The following TRAF3 variants were observed in gnomAD, a reference collection of about 807,000 sequenced individuals.
The protein encoded by TRAF3 is TNF receptor associated factor 3.
In TRAF3, 13 loss-of-function variants were observed where a neutral mutation model predicts 62.3. The observed-to-expected ratio is 0.21, with a 90% confidence interval of 0.14 to 0.33. The LOEUF is 0.33. TRAF3 is among the 10% of genes least tolerant of loss of function. The probability of loss-of-function intolerance (pLI) is 1.00; values close to 1 mark genes in which losing one functional copy is unlikely to be tolerated. For synonymous variants in TRAF3, 269 were observed against 283.4 expected, an observed-to-expected ratio of 0.95 and a Z score of 0.51; for missense variants, 440 against 741.8, an observed-to-expected ratio of 0.59 and a Z score of 4.73.
Position 102,905,114 on chromosome 14 carries a change from A to G in TRAF3, c.1136-99A>G. The stretch of plus-strand genomic sequence containing the variant: ...GCAACAGAGCGAGACTCCGTCTCAA[A>G]AAAATGAAATAAAATAACGAGTGCT... On this transcript the variant is annotated intron_variant, in intron 11 of 11. Coordinates refer to ENST00000392745, the MANE Select transcript of TRAF3 (RefSeq NM_145725.3). 2.3e-6 allele frequency: 3 copies of G among 1,297,944 alleles called. No homozygotes were observed. The South Asian group carries it at 3.7e-5, about 16-fold the overall frequency. The allele number at this position is 1,297,944 out of a possible 1,614,324, so 80.4% of individuals were successfully genotyped here.
rs773647944 is a variant in TRAF3 at position 102,897,420 on chromosome 14, C to G, written c.960+19C>G. ...TTTACAGGTAAGAATCTTAGGACTA[C>G]GGCCAGATCAAAGGGTGGAGGAGCT... On this transcript the variant is annotated intron_variant, in intron 10 of 11. Coordinates refer to ENST00000392745, the MANE Select transcript of TRAF3 (RefSeq NM_145725.3). 6.2e-7 allele frequency: 1 copy of G among 1,612,336 alleles called. No homozygotes were observed. Among genetic ancestry groups the G allele is most frequent in the African/African-American group, 1.3e-5 (1 of 74,962 alleles).
rs971137914 is a variant in TRAF3 at position 102,910,977 on chromosome 14, G to A, written c.*5193G>A. On this transcript the variant is annotated 3_prime_UTR_variant, in exon 12 of 12. Transcript: ENST00000392745. ...ATGCCTGTAGGAGAAGGTCTGTGAA[G>A]TGTGGAGGGCAGTGTCGACGCTGCA... The A allele has an allele frequency of 6.6e-6, 1 of 152,382 alleles. No individual in the cohort carries two copies. The highest frequency in any genetic ancestry group is 2.4e-5 in the African/African-American group (1 of 41,586). The allele number at this position is 152,382 out of a possible 1,614,324, so 9.4% of individuals were successfully genotyped here.
chr14:102,833,136 T>C (rs960344225), intron 2 of TRAF3, among the ~76,000 whole-genome samples: 12 of 152,206 alleles, frequency 7.9e-5, no homozygotes, highest in African/African-American at 2.7e-4. Context: ...GCTGGTGTTC[T>C]GTCTTCTTGC....
At chr14:102,858,701 T>TCATC (rs752111866) in intron 2 of TRAF3, among the ~76,000 whole-genome samples, 2 of 152,050 alleles carry the variant, frequency 1.3e-5, no homozygotes, top group African/African-American at 2.4e-5. Context: ...ATATGCTAAG[T>TCATC]CATATCACAA....
At chr14:102,884,775 G>T (rs569205386) in intron 6 of TRAF3, among the ~76,000 whole-genome samples, 1 of 151,470 alleles carries the variant, frequency 6.6e-6, no homozygotes, top group Non-Finnish European at 1.5e-5. Context: ...TTGCACCACT[G>T]CACTTCAACT....
chr14:102,796,133 C>T (rs1384355795), intron 1 of TRAF3, among the ~76,000 whole-genome samples: 1 of 152,228 alleles, frequency 6.6e-6, no homozygotes, highest in Non-Finnish European at 1.5e-5. Flanking sequence ...AGGAGAATTG[C>T]TTGAACCCGG....
chr14:102,893,033 G>T (rs1889809536), intron 9 of TRAF3, among the ~76,000 whole-genome samples: 1 of 152,110 alleles, frequency 6.6e-6, no homozygotes, highest in Non-Finnish European at 1.5e-5. Flanking sequence ...ATAGATCACA[G>T]GCTTTTTATC....
intron 1 of TRAF3, among the ~76,000 whole-genome samples, chr14:102,780,242 G>T (rs1272436012): frequency 6.6e-6 from 1 of 152,036 alleles, no homozygotes; most frequent in African/African-American, 2.4e-5. Flanking sequence ...GGGGATAGGT[G>T]CCATGTGGTT....
intron 6 of TRAF3, among the ~76,000 whole-genome samples, chr14:102,884,250 C>T (rs557371911): frequency 6.6e-6 from 1 of 152,304 alleles, no homozygotes; most frequent in African/African-American, 2.4e-5. Context: ...TTCACGTGGC[C>T]GTCTTCCTAG....
intron 2 of TRAF3, among the ~76,000 whole-genome samples, chr14:102,853,912 A>T (rs1887205381): frequency 6.6e-6 from 1 of 151,918 alleles, no homozygotes; most frequent in Admixed American, 6.6e-5. Flanking sequence ...CCCCAAAAAG[A>T]AACCCCATAC....
chr14:102,891,287 C>A (rs1461688041), intron 8 of TRAF3, 38 bp from the exon 9 acceptor site: 1 of 1,590,170 alleles, frequency 6.3e-7, no homozygotes, highest in African/African-American at 1.3e-5. Context: ...TGAAATGCAG[C>A]GAGGTTCGCT....
At chr14:102,786,048 A>G (rs1194272828) in intron 1 of TRAF3, among the ~76,000 whole-genome samples, 1 of 152,082 alleles carries the variant, frequency 6.6e-6, no homozygotes, top group Non-Finnish European at 1.5e-5. Flanking sequence ...CATTCTTTCT[A>G]TTTCTGCAGT....
intron 1 of TRAF3, among the ~76,000 whole-genome samples, chr14:102,790,689 G>T (rs1897742973): frequency 6.6e-6 from 1 of 152,072 alleles, no homozygotes; most frequent in Non-Finnish European, 1.5e-5. Flanking sequence ...AACATGTGGG[G>T]ATTATATGAG....
At position 102,903,745 on chromosome 14, in the gene TRAF3, A is replaced by G. The variant is rs753199500; in HGVS notation, c.1135+316A>G. ...CAGGGTGACCCACAGGACAGGCCCA[A>G]GCGCAGATGGCAGAGGCCAGGACCT... On this transcript the variant is annotated intron_variant, in intron 11 of 11. Coordinates refer to ENST00000392745, the MANE Select transcript of TRAF3 (RefSeq NM_145725.3). This position sits in a 1 kb window ranked among gnomAD's most constrained non-coding sequence, Gnocchi z 6.4. The G allele has an allele frequency of 5.4e-5, 28 of 517,242 alleles. 1 individual carries two copies. Among genetic ancestry groups the G allele is most frequent in the South Asian group, 4.3e-4 (28 of 65,130 alleles). 32.0% of individuals were successfully genotyped at this position (517,242 alleles called of 1,614,324 possible). A position where few individuals can be genotyped will look rare whatever the true frequency, so the allele number is the denominator to read the frequency against.
chr14:102,890,182 C>T (rs188716749), intron 8 of TRAF3, among the ~76,000 whole-genome samples: 56 of 152,300 alleles, frequency 3.7e-4, no homozygotes, highest in African/African-American at 1.3e-3. Flanking sequence ...TCTGTTGCTG[C>T]CGCACATGTA....
intron 1 of TRAF3, among the ~76,000 whole-genome samples, chr14:102,808,179 G>A (rs972950102): frequency 6.6e-6 from 1 of 152,110 alleles, no homozygotes; most frequent in African/African-American, 2.4e-5. Flanking sequence ...GGCTGATACT[G>A]GAGCATTCCT....
intron 6 of TRAF3, among the ~76,000 whole-genome samples, chr14:102,879,657 T>G (rs1240560911): frequency 6.6e-6 from 1 of 151,442 alleles, no homozygotes; most frequent in Admixed American, 6.6e-5. Flanking sequence ...AGTAATTGCG[T>G]TTTTTGCCAT....
intron 1 of TRAF3, among the ~76,000 whole-genome samples, chr14:102,781,109 C>A (rs897691238): frequency 1.3e-5 from 2 of 152,146 alleles, no homozygotes; most frequent in African/African-American, 2.4e-5. Context: ...TTCTGGGAAG[C>A]GGCGTTGAGT....
intron 1 of TRAF3, among the ~76,000 whole-genome samples, chr14:102,812,733 C>T (rs560432470): frequency 4.7e-5 from 7 of 149,858 alleles, no homozygotes; most frequent in Non-Finnish European, 7.4e-5. Context: ...TCTTGGCTAA[C>T]ACGGTGAAAC....
Sources: gnomAD v4.1 joint callset for allele counts (sites outside exome capture counted in the v4.1 genomes callset) on GRCh38, gnomAD v4.1.1 for gene constraint, Gnocchi (gnomAD v3.1) non-coding constraint, MANE v1.5 for transcripts, NCBI Gene and HGNC (gene_info 2026-07-23, HGNC 2026-07-21) for gene names.